DACH1: variants seen among roughly 807,000 people sequenced by gnomAD.
DACH1 encodes the protein dachshund homolog 1.
DACH1 carries 12 observed loss-of-function variants against 54.2 expected under a neutral mutation model. That is an observed-to-expected ratio of 0.22 (90% confidence interval 0.14 to 0.36). The LOEUF (loss-of-function observed/expected upper bound fraction) is 0.36, where lower values mean the gene tolerates loss of function less well. DACH1 is among the 10% of genes least tolerant of loss of function. The pLI is 1.00. For missense variants in DACH1, 805 were observed against 929.8 expected (o/e 0.87, Z 1.75); for synonymous variants, 386 against 366.2 (o/e 1.05, Z -0.62).
intron 6 of DACH1, among the ~76,000 whole-genome samples, chr13:71,540,025 T>C (rs1350730972): frequency 6.6e-6 from 1 of 152,020 alleles, no homozygotes; most frequent in East Asian, 1.9e-4. Flanking sequence ...ATCATTGGCA[T>C]GAGATAAACT....
intron 1 of DACH1, among the ~76,000 whole-genome samples, chr13:71,799,629 A>G (rs1021625046): frequency 3.9e-5 from 6 of 152,150 alleles, no homozygotes; most frequent in Non-Finnish European, 8.8e-5. Flanking sequence ...CAGTAGGTTC[A>G]TTCGGCACCC....
chr13:71,445,238 T>C (rs2138102203), intron 10 of DACH1, among the ~76,000 whole-genome samples: 1 of 152,304 alleles, frequency 6.6e-6, no homozygotes, highest in African/African-American at 2.4e-5. Context: ...ATTATTAGCA[T>C]GTTAGAAATG....
At chr13:71,749,882 G>A (rs1412687825) in intron 1 of DACH1, among the ~76,000 whole-genome samples, 6 of 152,224 alleles carry the variant, frequency 3.9e-5, no homozygotes, top group Non-Finnish European at 7.4e-5. Context: ...CTAGATAAGC[G>A]GAGAGCTGAG....
chr13:71,704,728 G>A, intron 1 of DACH1: 1 of 168,144 alleles, frequency 5.9e-6, no homozygotes, highest in East Asian at 1.8e-4. Flanking sequence ...TAGAAGTATG[G>A]CGTCCCCTCC....
chr13:71,638,112 G>C (rs1257559632), intron 2 of DACH1, among the ~76,000 whole-genome samples: 1 of 152,156 alleles, frequency 6.6e-6, no homozygotes, highest in Non-Finnish European at 1.5e-5. Context: ...TTATTAGTTT[G>C]TGTTAGTTTG....
intron 1 of DACH1, among the ~76,000 whole-genome samples, chr13:71,802,728 G>T (rs1328001844): frequency 1.3e-5 from 2 of 151,964 alleles, no homozygotes; most frequent in African/African-American, 2.4e-5. Context: ...AAATTAATTT[G>T]CAATAAAAAA....
chr13:71,718,575 G>GA (rs11318583), intron 1 of DACH1, among the ~76,000 whole-genome samples: 108,216 of 133,980 alleles, frequency 0.81, 45,901 homozygotes, highest in Non-Finnish European at 0.94. Flanking sequence ...GACCATATCT[G>GA]AAAAAAAAAA....
intron 1 of DACH1, among the ~76,000 whole-genome samples, chr13:71,828,122 T>C (rs1888448942): frequency 6.6e-6 from 1 of 152,056 alleles, no homozygotes; most frequent in Non-Finnish European, 1.5e-5. Context: ...AGAAGCCACC[T>C]TTCCGCTCCT....
chr13:71,710,455 TGTG>T (rs1566449779), intron 1 of DACH1, among the ~76,000 whole-genome samples: 4 of 2,906 alleles, frequency 1.4e-3, no homozygotes, highest in Non-Finnish European at 6.9e-3. Context: ...GAGGGTTTTG[TGTG>T]TGTGTGTGTG....
intron 3 of DACH1, among the ~76,000 whole-genome samples, chr13:71,617,949 C>A (rs752801319): frequency 6.6e-6 from 1 of 152,074 alleles, no homozygotes; most frequent in Non-Finnish European, 1.5e-5. Flanking sequence ...TTGGTCTGCT[C>A]ACTTGTTAAA....
chr13:71,612,218 T>A (rs1432183368), intron 3 of DACH1, among the ~76,000 whole-genome samples: 1 of 152,126 alleles, frequency 6.6e-6, no homozygotes, highest in African/African-American at 2.4e-5. Context: ...TGAAATGCTA[T>A]AGTAGAATCC....
intron 1 of DACH1, among the ~76,000 whole-genome samples, chr13:71,856,163 C>G (rs796291895): frequency 7.2e-5 from 11 of 151,898 alleles, no homozygotes; most frequent in African/African-American, 2.6e-4. Context: ...AAATTTGACC[C>G]AGAAGGCTCC....
intron 1 of DACH1, among the ~76,000 whole-genome samples, chr13:71,710,747 T>C (rs1206254677): frequency 6.6e-6 from 1 of 152,126 alleles, no homozygotes; most frequent in Non-Finnish European, 1.5e-5. Flanking sequence ...TTCTTCCCTC[T>C]TTACTAAAAA....
chr13:71,728,296 C>G (rs1368912952), intron 1 of DACH1, among the ~76,000 whole-genome samples: 1 of 151,912 alleles, frequency 6.6e-6, no homozygotes, highest in East Asian at 1.9e-4. Flanking sequence ...ATGATCATAT[C>G]TCTTTGGAAA....
chr13:71,849,061 T>C (rs1873487205), intron 1 of DACH1, among the ~76,000 whole-genome samples: 1 of 152,208 alleles, frequency 6.6e-6, no homozygotes, highest in African/African-American at 2.4e-5. Context: ...AGAGATATTG[T>C]GATAATAAAA....
At chr13:71,708,481 A>C (rs1378291908) in intron 1 of DACH1, among the ~76,000 whole-genome samples, 3 of 152,150 alleles carry the variant, frequency 2.0e-5, no homozygotes. Context: ...TAAAATACTT[A>C]GTTGAAAACT....
rs145693074 is a variant in DACH1 at position 71,671,747 on chromosome 13, G to A, written c.964+10048C>T. Among the ~76,000 whole-genome samples the A allele has an allele frequency of 1.1e-3, 171 of 152,118 alleles. 5 individuals are homozygous for A. In the East Asian group the frequency reaches 0.029, roughly 26 times the overall value. The stretch of plus-strand genomic sequence containing the variant: ...ATTAAATAAATTGAATAGAAAAACC[G>A]TGGCTAACAACTTTTCATCCCAGTT... On this transcript the variant is annotated intron_variant, in intron 2 of 10. Coordinates refer to ENST00000613252, the MANE Select transcript of DACH1 (RefSeq NM_080759.6).
At chr13:71,586,736 C>T (rs982261643) in intron 3 of DACH1, among the ~76,000 whole-genome samples, 6 of 151,916 alleles carry the variant, frequency 3.9e-5, no homozygotes, top group Non-Finnish European at 1.5e-5. Flanking sequence ...TTATCTTCAG[C>T]CTGAAAAAAT....
intron 3 of DACH1, among the ~76,000 whole-genome samples, chr13:71,581,010 G>A (rs992042298): frequency 2.8e-5 from 4 of 141,128 alleles, no homozygotes; most frequent in African/African-American, 7.7e-5. Flanking sequence ...TTGTCTTAAT[G>A]TAAGTTCCAC....
Sources: allele counts gnomAD v4.1 joint callset (sites outside exome capture counted in the v4.1 genomes callset), GRCh38; gene constraint gnomAD v4.1.1; transcripts MANE v1.5; gene names NCBI Gene and HGNC (gene_info 2026-07-23, HGNC 2026-07-21).